SOX5: variants seen among roughly 807,000 people sequenced by gnomAD.
The protein encoded by SOX5 is transcription factor SOX-5.
A neutral mutation model predicts 92.0 loss-of-function variants in SOX5; 9 were observed. The observed-to-expected ratio is 0.10, with a 90% confidence interval of 0.06 to 0.17. The LOEUF is 0.17. Ranked by LOEUF, SOX5 falls within the 10% of genes least tolerant of loss-of-function variation. SOX5 has a pLI of 1.00. For synonymous variants in SOX5, 344 were observed against 336.3 expected, an observed-to-expected ratio of 1.02 and a Z score of -0.25; for missense variants, 642 against 944.5, an observed-to-expected ratio of 0.68 and a Z score of 4.20.
intron 2 of SOX5, among the ~76,000 whole-genome samples, chr12:23,857,575 C>T (rs2096706647): frequency 6.6e-6 from 1 of 152,160 alleles, no homozygotes; most frequent in African/African-American, 2.4e-5. Flanking sequence ...CATTGCCCTT[C>T]CCTCTTCATC....
At chr12:23,839,823 C>T (rs913288154) in intron 3 of SOX5, among the ~76,000 whole-genome samples, 1 of 63,670 alleles carries the variant, frequency 1.6e-5, no homozygotes, top group African/African-American at 6.1e-5. Flanking sequence ...GCCTTCTCAA[C>T]TTGGTAAAAA....
chr12:23,914,757 A>T (rs1568936484), intron 1 of SOX5, among the ~76,000 whole-genome samples: 2 of 152,228 alleles, frequency 1.3e-5, no homozygotes, highest in Admixed American at 1.3e-4. Context: ...ATTTAGCTTA[A>T]CTTTTTTATT....
At chr12:24,204,446 G>A (rs769205842) in intron 4 of SOX5, among the ~76,000 whole-genome samples, 3 of 151,740 alleles carry the variant, frequency 2.0e-5, no homozygotes, top group South Asian at 2.1e-4. Context: ...TTCATGCCTC[G>A]GCTTCCTGAG....
chr12:23,606,231 T>G lies in SOX5; in HGVS notation c.1018-1698A>C, dbSNP rs545123552. ...AGGATATCACTTTACAGATTAAAAC[T>G]CTGACCAGTAGAATGCATGTACTAA... On this transcript the variant is annotated intron_variant, in intron 8 of 14. Coordinates refer to ENST00000451604, the MANE Select transcript of SOX5 (RefSeq NM_006940.6). Among the ~76,000 whole-genome samples, 140 of 152,008 alleles carry G rather than the reference T, an allele frequency of 9.2e-4. No homozygotes were observed. In the Middle Eastern group the frequency reaches 0.013, roughly 14 times the overall value.
intron 1 of SOX5, among the ~76,000 whole-genome samples, chr12:23,923,588 A>G (rs1301197002): frequency 6.6e-6 from 1 of 152,186 alleles, no homozygotes; most frequent in Non-Finnish European, 1.5e-5. Flanking sequence ...TGCCATGACC[A>G]AAAGATAGTT....
intron 2 of SOX5, among the ~76,000 whole-genome samples, chr12:23,889,789 G>T (rs975304708): frequency 6.6e-6 from 1 of 152,098 alleles, no homozygotes; most frequent in African/African-American, 2.4e-5. Flanking sequence ...TAGTGTATGT[G>T]TAATGTTTAA....
At chr12:23,733,759 T>C (rs2093479698) in intron 6 of SOX5, among the ~76,000 whole-genome samples, 1 of 152,152 alleles carries the variant, frequency 6.6e-6, no homozygotes, top group Non-Finnish European at 1.5e-5. Context: ...TAATAAAATA[T>C]GTTGGATCTC....
chr12:23,650,014 T>A (rs2139004695), intron 7 of SOX5, among the ~76,000 whole-genome samples: 1 of 152,194 alleles, frequency 6.6e-6, no homozygotes. Context: ...ACATGTTTTT[T>A]TGTTTGTTTT....
intron 1 of SOX5, among the ~76,000 whole-genome samples, chr12:24,384,002 C>T (rs547241106): frequency 6.6e-4 from 100 of 152,222 alleles, no homozygotes; most frequent in Middle Eastern, 6.8e-3. Flanking sequence ...GTTTTATAAG[C>T]GGCTTTTCCC....
At chr12:24,446,924 T>C (rs1465365649) in intron 1 of SOX5, among the ~76,000 whole-genome samples, 1 of 152,152 alleles carries the variant, frequency 6.6e-6, no homozygotes, top group Non-Finnish European at 1.5e-5. Flanking sequence ...GAGCTCCCAA[T>C]GGCCAAAGCT....
intron 4 of SOX5, among the ~76,000 whole-genome samples, chr12:24,145,592 G>A (rs369213800): frequency 1.3e-5 from 2 of 152,244 alleles, no homozygotes; most frequent in East Asian, 3.9e-4. Context: ...AACCTCCCAG[G>A]CTCAAGAAAT....
intron 2 of SOX5, among the ~76,000 whole-genome samples, chr12:24,284,421 G>GT (rs139338983): frequency 0.19 from 24,100 of 123,784 alleles, 2,054 homozygotes; most frequent in South Asian, 0.34. Flanking sequence ...GGAGGCACAC[G>GT]TTTTTTTTCT....
intron 3 of SOX5, among the ~76,000 whole-genome samples, chr12:24,240,747 CA>C (rs1965406205): frequency 2.6e-5 from 4 of 152,114 alleles, no homozygotes; most frequent in African/African-American, 9.7e-5. Context: ...AAATTCACTG[CA>C]AAGTTACATG....
intron 1 of SOX5, among the ~76,000 whole-genome samples, chr12:23,909,738 G>A (rs566224225): frequency 6.6e-6 from 1 of 152,192 alleles, no homozygotes; most frequent in African/African-American, 2.4e-5. Context: ...GCTGACCACT[G>A]TCTGAGCTTA....
At chr12:23,971,375 G>A (rs1948322079) in intron 4 of SOX5, among the ~76,000 whole-genome samples, 1 of 151,400 alleles carries the variant, frequency 6.6e-6, no homozygotes, top group African/African-American at 2.4e-5. Flanking sequence ...ACCTGCCTCA[G>A]CCTCCCAAAG....
intron 4 of SOX5, among the ~76,000 whole-genome samples, chr12:23,972,595 G>T (rs982793585): frequency 2.0e-5 from 3 of 152,020 alleles, no homozygotes; most frequent in Non-Finnish European, 4.4e-5. Flanking sequence ...CTAACCTCAG[G>T]TGATCCACCC....
intron 7 of SOX5, among the ~76,000 whole-genome samples, chr12:23,662,286 A>G (rs773203279): frequency 2.0e-5 from 3 of 152,146 alleles, no homozygotes; most frequent in Non-Finnish European, 4.4e-5. Context: ...ATAACTAGAT[A>G]TGGATCCATG....
At chr12:23,787,660 G>A (rs2095404777) in intron 3 of SOX5, among the ~76,000 whole-genome samples, 1 of 151,852 alleles carries the variant, frequency 6.6e-6, no homozygotes, top group Non-Finnish European at 1.5e-5. Context: ...AACTAAAACA[G>A]ACTAGGAACA....
chr12:24,125,284 T>C (rs1027167993), intron 4 of SOX5, among the ~76,000 whole-genome samples: 2 of 152,162 alleles, frequency 1.3e-5, no homozygotes, highest in African/African-American at 4.8e-5. Context: ...TTATTTCTCA[T>C]TTCCTTTCTT....
Sources: allele counts gnomAD v4.1 joint callset (sites outside exome capture counted in the v4.1 genomes callset), GRCh38; gene constraint gnomAD v4.1.1; transcripts MANE v1.5; gene names NCBI Gene and HGNC (gene_info 2026-07-23, HGNC 2026-07-21).